MACF1: variants seen among roughly 807,000 people sequenced by gnomAD.
MACF1 encodes microtubule actin crosslinking factor 1.
In MACF1, 193 loss-of-function variants were observed where a neutral mutation model predicts 854.8. The ratio of observed to expected loss-of-function variants is 0.23; its 90% confidence interval spans 0.20 to 0.25. MACF1 has a LOEUF of 0.25. MACF1 is among the 10% of genes least tolerant of loss of function. The pLI, the probability that MACF1 is intolerant of heterozygous loss-of-function variation, is 1.00. For missense variants in MACF1, 7,722 were observed against 8,929.1 expected, an observed-to-expected ratio of 0.86 and a Z score of 5.45; for synonymous variants, 3,185 against 3,226.7, an observed-to-expected ratio of 0.99 and a Z score of 0.44.
At chr1:39,448,274 A>C in intron 83 of MACF1, 122 bp downstream of exon 83, 1 of 1,144,400 alleles carries the variant, frequency 8.7e-7, no homozygotes, top group Non-Finnish European at 1.2e-6. Context: ...AAAAGTCAAA[A>C]TGATGAAGCC....
intron 2 of MACF1, among the ~76,000 whole-genome samples, chr1:39,235,298 G>C (rs1220078170): frequency 6.6e-6 from 1 of 152,248 alleles, no homozygotes; most frequent in African/African-American, 2.4e-5. Context: ...GCGGTTAGGG[G>C]CTGGAGACTG....
chr1:39,284,460 G>T (rs755567102), intron 11 of MACF1, 32 bp downstream of exon 11: 48 of 1,445,026 alleles, frequency 3.3e-5, no homozygotes, highest in Non-Finnish European at 4.2e-5. Context: ...TGAGACTTGG[G>T]GTTTGCTGGT....
In MACF1 at chr1:39,459,112, C is replaced by T. The variant is rs550489528; in HGVS notation, c.21223C>T (p.Pro7075Ser). Residue 7075 changes from proline to serine, a missense_variant, in exon 91 of 101, where the codon CCT (proline) becomes TCT (serine). By Grantham distance (74) the Pro-to-Ser change is moderately conservative. This residue lies in a region of MACF1 where 729 missense variants were observed against 900.5 expected (regional missense o/e 0.81). Coordinates refer to ENST00000564288, the MANE Select transcript of MACF1 (RefSeq NM_001394062.1). ...GRKSLSQPTP[P>S]PMPILSQSEA... ...GAAATCCCTAAGTCAGCCAACCCCT[C>T]CTCCCATGCCAATCCTTTCACAGTC... 1.2e-6 allele frequency: 2 copies of T among 1,613,542 alleles called. No homozygotes were observed. The highest frequency in any genetic ancestry group is 1.7e-6 in the Non-Finnish European group (2 of 1,179,840).
rs1643580727 is a variant in MACF1, at chr1:39,422,552, T to C, written c.15978+17T>C. On this transcript the variant is annotated intron_variant, in intron 59 of 100. Transcript: ENST00000564288. ...AATAAAAAGGTGAGTGACAATGGGG[T>C]AGCAAGTGTACTGGAAACGGAAGGC... The C allele has an allele frequency of 1.3e-6, 2 of 1,598,308 alleles. No homozygotes were observed. The highest frequency in any genetic ancestry group is 4.5e-5 in the East Asian group (2 of 44,594).
At chr1:39,203,192 T>C (rs904814841), upstream of MACF1, among the ~76,000 whole-genome samples, 1 of 152,176 alleles carries the variant, frequency 6.6e-6, no homozygotes, top group African/African-American at 2.4e-5. Context: ...TATATCATAG[T>C]GTAATAGGTA....
At chr1:39,171,193 A>G (rs1055255969) in intron 2 of MACF1, among the ~76,000 whole-genome samples, 7 of 141,908 alleles carry the variant, frequency 4.9e-5, no homozygotes, top group African/African-American at 7.5e-5. Context: ...CATAATTGTA[A>G]TCTTTCTGTT....
At chr1:39,205,643 G>A (rs1017711550) in intron 1 of MACF1, among the ~76,000 whole-genome samples, 4 of 152,102 alleles carry the variant, frequency 2.6e-5, no homozygotes, top group Admixed American at 2.6e-4. Flanking sequence ...TGTCCTTGCC[G>A]AGGGGCATCC....
chr1:39,320,224 A>T (rs1179303200), intron 31 of MACF1, among the ~76,000 whole-genome samples: 4 of 152,058 alleles, frequency 2.6e-5, no homozygotes, highest in Non-Finnish European at 4.4e-5. Flanking sequence ...TCCCTAGTTC[A>T]CATTCCAGTG....
chr1:39,412,772 G>A (rs749053440), intron 58 of MACF1: 12 of 1,612,538 alleles, frequency 7.4e-6, no homozygotes, highest in Admixed American at 5.0e-5. Context: ...AGACCTTCCC[G>A]GACTGCTGCA....
intron 38 of MACF1, among the ~76,000 whole-genome samples, chr1:39,337,795 A>C (rs1409857635): frequency 3.7e-5 from 5 of 134,604 alleles, no homozygotes; most frequent in African/African-American, 1.4e-4. Context: ...TTTGAGATGG[A>C]GTCTCACTCT....
rs1300263205 is a variant in MACF1, at chr1:39,310,403, G to T, written c.3075G>T (p.Gln1025His). The T allele has an allele frequency of 6.2e-7, 1 of 1,613,952 alleles. No homozygotes were observed. Among genetic ancestry groups the T allele is most frequent in the Non-Finnish European group, 8.5e-7 (1 of 1,179,998 alleles). ...EEVEACKARF[Q>H]HLMKSMENED... Reference sequence around the variant, plus strand: ...TGGAAGCTTGTAAAGCCCGCTTCCAGCACCTGATGAAGTCCATGGAGAATG... The same window carrying T: ...TGGAAGCTTGTAAAGCCCGCTTCCATCACCTGATGAAGTCCATGGAGAATG... Residue 1025 changes from glutamine (Q) to histidine (H), a missense_variant, in exon 25 of 101, where the codon CAG becomes CAT. Gln to His is a conservative substitution (Grantham distance 24). This residue lies in a region of MACF1 where 1,137 missense variants were observed against 1,263.0 expected (regional missense o/e 0.90). Coordinates refer to ENST00000564288, the MANE Select transcript of MACF1 (RefSeq NM_001394062.1).
chr1:39,234,910 C>G (rs6692918), intron 2 of MACF1, among the ~76,000 whole-genome samples: 1 of 135,068 alleles, frequency 7.4e-6, no homozygotes, highest in Non-Finnish European at 1.6e-5. Flanking sequence ...AGACGATAGG[C>G]GGCCGGGCAG....
intron 2 of MACF1, among the ~76,000 whole-genome samples, chr1:39,191,277 A>G (rs1013785383): frequency 6.8e-6 from 1 of 147,056 alleles, no homozygotes. Flanking sequence ...CTGTTTGACA[A>G]TTTATCAGGA....
intron 58 of MACF1, chr1:39,411,753 T>G (rs1477385815): frequency 1.2e-6 from 2 of 1,613,832 alleles, no homozygotes; most frequent in Non-Finnish European, 1.7e-6. Flanking sequence ...AAGGGCTGGC[T>G]GCATCCCAGG....
chr1:39,235,678 A>G (rs1162683200), intron 2 of MACF1, among the ~76,000 whole-genome samples: 2 of 152,154 alleles, frequency 1.3e-5, no homozygotes, highest in Non-Finnish European at 2.9e-5. Context: ...TTCCTAATAA[A>G]GTTTTCTATA....
chr1:39,263,825 G>C (rs1645196805), intron 6 of MACF1, among the ~76,000 whole-genome samples: 1 of 140,242 alleles, frequency 7.1e-6, no homozygotes, highest in Non-Finnish European at 1.5e-5. Flanking sequence ...CCAGGCTGGA[G>C]TGCAGTGGCG....
chr1:39,379,538 A>C, intron 54 of MACF1, 94 bp downstream of exon 54: 1 of 1,389,540 alleles, frequency 7.2e-7, no homozygotes, highest in Non-Finnish European at 9.8e-7. Context: ...AGAGAGAGAC[A>C]TGGGCAACAA....
chr1:39,450,643 G>T (rs1195764690), intron 84 of MACF1, among the ~76,000 whole-genome samples: 2 of 122,938 alleles, frequency 1.6e-5, no homozygotes, highest in Non-Finnish European at 3.2e-5. Flanking sequence ...ATGGAATCTC[G>T]CTCTGTCTCC....
chr1:39,283,522 G>T lies in MACF1; in HGVS notation c.915+7G>T, dbSNP rs1398178153. On this transcript the variant is annotated splice_region_variant and intron_variant, in intron 9 of 100. Coordinates refer to ENST00000564288, the MANE Select transcript of MACF1 (RefSeq NM_001394062.1). The surrounding 1 kb of genome is among the most constrained non-coding windows in gnomAD (Gnocchi z 4.5). Reference sequence around the variant, plus strand: ...AGAAGGGATCAGTGCTACGGTAAAAGAACATTTTCCTAGAAGGCCTTCTGA... The same window carrying T: ...AGAAGGGATCAGTGCTACGGTAAAATAACATTTTCCTAGAAGGCCTTCTGA... The T allele has an allele frequency of 1.3e-6, 2 of 1,579,630 alleles. No individual in the cohort carries two copies. The highest frequency in any genetic ancestry group is 1.7e-5 in the Admixed American group (1 of 59,888).
Sources: allele counts gnomAD v4.1 joint callset (sites outside exome capture counted in the v4.1 genomes callset), GRCh38; gene constraint gnomAD v4.1.1; regional missense constraint gnomAD v4.1.1; non-coding constraint Gnocchi (gnomAD v3.1); transcripts MANE v1.5; gene names NCBI Gene and HGNC (gene_info 2026-07-23, HGNC 2026-07-21).